UBE2H: variants seen among roughly 807,000 people sequenced by gnomAD.
UBE2H encodes the protein ubiquitin conjugating enzyme E2 H, also known as ubiquitin-conjugating enzyme E2 H.
In UBE2H, 3 loss-of-function variants were observed where a neutral mutation model predicts 29.0. The observed-to-expected ratio is 0.10, with a 90% CI of 0.05 to 0.27. UBE2H has a LOEUF of 0.27. Ranked by LOEUF, UBE2H falls within the 10% of genes least tolerant of loss-of-function variation. UBE2H has a pLI of 1.00. For missense variants in UBE2H, 68 were observed against 228.2 expected (o/e 0.30, Z 4.52); for synonymous variants, 69 against 82.9 (o/e 0.83, Z 0.91).
At position 129,939,703 on chromosome 7, in the gene UBE2H, T is replaced by C. The variant is rs192998816; in HGVS notation, c.53+12800A>G. On this transcript the variant is annotated intron_variant, in intron 1 of 6. Transcript: ENST00000355621. ...GGCTGGGCACGGTGGCTCATGCCTG[T>C]AATCCCAGCACTTTGGGAGGCCAAA... Among the ~76,000 whole-genome samples, 195 of 152,296 alleles carry C rather than the reference T, an allele frequency of 1.3e-3. 1 individual carries two copies. Among genetic ancestry groups the C allele is most frequent in the African/African-American group, 4.4e-3 (181 of 41,576 alleles).
intron 3 of UBE2H, chr7:129,865,113 A>G: frequency 2.5e-6 from 1 of 408,148 alleles, no homozygotes; most frequent in South Asian, 1.8e-5. Context: ...ATTATTATAT[A>G]TCTTAAAAAA....
At chr7:129,903,073 A>G (rs985140603) in intron 1 of UBE2H, among the ~76,000 whole-genome samples, 2 of 152,220 alleles carry the variant, frequency 1.3e-5, no homozygotes, top group African/African-American at 4.8e-5. Flanking sequence ...AATAATGCAT[A>G]TGCAACCTAG....
chr7:129,894,581 G>C (rs191355313), intron 1 of UBE2H, among the ~76,000 whole-genome samples: 2 of 149,812 alleles, frequency 1.3e-5, no homozygotes, highest in Non-Finnish European at 3.0e-5. Flanking sequence ...TCCACCTCCC[G>C]GGTTCAAGTG....
intron 1 of UBE2H, among the ~76,000 whole-genome samples, chr7:129,944,718 ACACACACACAC>A (rs1563054827): frequency 2.7e-5 from 2 of 75,342 alleles, no homozygotes; most frequent in East Asian, 5.9e-4. Context: ...CGCTCAAAAC[ACACACACACAC>A]ACACACACAC....
Position 129,918,671 on chromosome 7 carries a change from C to T in UBE2H, c.53+33832G>A, listed in dbSNP as rs147949164. The stretch of plus-strand genomic sequence containing the variant: ...TGACAATAAAAAACACCTGTGAAGA[C>T]CATTTGTTGTCCCACTGAAAACTAA... On this transcript the variant is annotated intron_variant, in intron 1 of 6. Coordinates refer to ENST00000355621, the MANE Select transcript of UBE2H (RefSeq NM_003344.4). 4.5e-3 allele frequency among the ~76,000 whole-genome samples: 691 copies of T among 152,292 alleles called. 6 individuals are homozygous for T. Among genetic ancestry groups the T allele is most frequent in the African/African-American group, 0.016 (657 of 41,560 alleles).
intron 1 of UBE2H, 38 bp downstream of exon 1, chr7:129,952,465 C>A (rs755757074): frequency 6.2e-7 from 1 of 1,606,408 alleles, no homozygotes; most frequent in South Asian, 1.1e-5. Context: ...CCACACCGCC[C>A]CCCACACACA....
intron 1 of UBE2H, among the ~76,000 whole-genome samples, chr7:129,932,830 A>G (rs567010325): frequency 6.6e-6 from 1 of 150,498 alleles, no homozygotes; most frequent in East Asian, 2.0e-4. Context: ...ACATCAGAAA[A>G]CTGTTGGCTG....
At chr7:129,912,967 T>C (rs1806968256) in intron 1 of UBE2H, among the ~76,000 whole-genome samples, 1 of 152,160 alleles carries the variant, frequency 6.6e-6, no homozygotes, top group Non-Finnish European at 1.5e-5. Context: ...ATGTACAACA[T>C]TGGGCCAGGT....
intron 1 of UBE2H, among the ~76,000 whole-genome samples, chr7:129,913,143 T>C (rs1171045519): frequency 6.6e-6 from 1 of 150,640 alleles, no homozygotes; most frequent in Admixed American, 6.7e-5. Context: ...TCCCAGCTAC[T>C]CGGGAGGCTG....
intron 1 of UBE2H, among the ~76,000 whole-genome samples, chr7:129,921,468 C>T (rs1178029662): frequency 2.6e-5 from 4 of 152,192 alleles, no homozygotes; most frequent in African/African-American, 7.2e-5. Flanking sequence ...GAGGCCGAGG[C>T]GGGCGGATGA....
rs1584733271 is a variant in UBE2H at position 129,834,915 on chromosome 7, T to C, written c.*22A>G. On this transcript the variant is annotated 3_prime_UTR_variant, in exon 7 of 7. Transcript: ENST00000355621. ...CATGGTTAGGAAATAATAGTCTTTC[T>C]GAAAAGCAGGTGCTTTTTCTACTAC... The C allele has an allele frequency of 6.2e-7, 1 of 1,611,906 alleles. No individual in the cohort carries two copies. Among genetic ancestry groups the C allele is most frequent in the East Asian group, 2.2e-5 (1 of 44,890 alleles).
At chr7:129,882,456 C>T (rs1159747409) in intron 1 of UBE2H, among the ~76,000 whole-genome samples, 1 of 152,174 alleles carries the variant, frequency 6.6e-6, no homozygotes, top group East Asian at 1.9e-4. Flanking sequence ...GCACTCCAAG[C>T]CCGTGTCCAA....
chr7:129,864,239 T>C (rs556673707), intron 3 of UBE2H, among the ~76,000 whole-genome samples: 14 of 152,180 alleles, frequency 9.2e-5, no homozygotes, highest in Non-Finnish European at 1.8e-4. Context: ...ATGGAACTCC[T>C]GGACAAGGAG....
At chr7:129,854,064 T>TTTTTTTTTTTTTTTTTTTTTA (rs1805660430) in intron 5 of UBE2H, among the ~76,000 whole-genome samples, 1 of 148,284 alleles carries the variant, frequency 6.7e-6, no homozygotes, top group East Asian at 2.0e-4. Context: ...GTGTTAGTTT[T>TTTTTTTTTTTTTTTTTTTTTA]TTTTTTTTTT....
At chr7:129,925,959 A>C (rs1807260522) in intron 1 of UBE2H, among the ~76,000 whole-genome samples, 1 of 152,200 alleles carries the variant, frequency 6.6e-6, no homozygotes, top group African/African-American at 2.4e-5. Flanking sequence ...TTCCTAACTG[A>C]TCTGTCCAGT....
chr7:129,891,816 A>C lies in UBE2H; in HGVS notation c.54-10845T>G, dbSNP rs560759381. On this transcript the variant is annotated intron_variant, in intron 1 of 6. Coordinates refer to ENST00000355621, the MANE Select transcript of UBE2H (RefSeq NM_003344.4). ...TTGTCTCCAAAAACAAAAACAAAAA[A>C]AAAAAAAAAAACACACACACACTTT... Among the ~76,000 whole-genome samples the C allele has an allele frequency of 3.9e-3, 588 of 150,746 alleles. 1 individual carries two copies. Among genetic ancestry groups the C allele is most frequent in the Non-Finnish European group, 4.6e-3 (311 of 67,598 alleles).
chr7:129,942,278 T>C (rs1807662681), intron 1 of UBE2H, among the ~76,000 whole-genome samples: 1 of 146,034 alleles, frequency 6.8e-6, no homozygotes, highest in Admixed American at 6.9e-5. Flanking sequence ...CTCACACCTG[T>C]AATCCCAGCA....
intron 3 of UBE2H, among the ~76,000 whole-genome samples, chr7:129,861,651 G>C (rs1007631485): frequency 2.6e-5 from 4 of 152,168 alleles, no homozygotes; most frequent in Non-Finnish European, 4.4e-5. Context: ...CAACACTTTG[G>C]GATGCTAAGA....
chr7:129,847,188 G>A (rs1203580151), intron 5 of UBE2H, among the ~76,000 whole-genome samples: 1 of 152,022 alleles, frequency 6.6e-6, no homozygotes, highest in Non-Finnish European at 1.5e-5. Context: ...CTGGATTACA[G>A]GTGCACGCCC....
Sources: allele counts gnomAD v4.1 joint callset (sites outside exome capture counted in the v4.1 genomes callset), GRCh38; gene constraint gnomAD v4.1.1; transcripts MANE v1.5; gene names NCBI Gene and HGNC (gene_info 2026-07-23, HGNC 2026-07-21).